SOX5: variants seen among roughly 807,000 people sequenced by gnomAD.
SOX5 encodes transcription factor SOX-5.
A neutral mutation model predicts 92.0 loss-of-function variants in SOX5; 9 were observed. The observed-to-expected ratio is 0.10, with a 90% confidence interval of 0.06 to 0.17. The LOEUF (loss-of-function observed/expected upper bound fraction) is 0.17, where lower values mean the gene tolerates loss of function less well. Ranked by LOEUF, SOX5 falls within the 10% of genes least tolerant of loss-of-function variation. The probability of loss-of-function intolerance (pLI) is 1.00; values close to 1 mark genes in which losing one functional copy is unlikely to be tolerated. For synonymous variants in SOX5, 344 were observed against 336.3 expected, an observed-to-expected ratio of 1.02 and a Z score of -0.25; for missense variants, 642 against 944.5, an observed-to-expected ratio of 0.68 and a Z score of 4.20.
At chr12:24,525,593 C>T (rs551878028) in intron 1 of SOX5, among the ~76,000 whole-genome samples, 39 of 152,252 alleles carry the variant, frequency 2.6e-4, no homozygotes, top group Non-Finnish European at 2.5e-4. Flanking sequence ...GTAGCCAGGC[C>T]GGGCGTGGTG....
intron 2 of SOX5, among the ~76,000 whole-genome samples, chr12:24,327,838 C>T (rs898209895): frequency 2.6e-5 from 4 of 151,108 alleles, no homozygotes; most frequent in East Asian, 1.9e-4. Context: ...GTGATCCGCC[C>T]GCCTCAGCCT....
At chr12:24,324,379 T>C (rs537362480) in intron 2 of SOX5, among the ~76,000 whole-genome samples, 147 of 152,296 alleles carry the variant, frequency 9.7e-4, no homozygotes, top group Non-Finnish European at 1.8e-3. Flanking sequence ...ATCTTCTGTC[T>C]CTGATCAGAC....
At chr12:24,314,430 G>A (rs1409595681) in intron 2 of SOX5, among the ~76,000 whole-genome samples, 1 of 151,776 alleles carries the variant, frequency 6.6e-6, no homozygotes, top group East Asian at 1.9e-4. Context: ...ACGAGTTAAT[G>A]GGTGCAGCAC....
chr12:23,561,445 G>C (rs1423111188), intron 11 of SOX5, among the ~76,000 whole-genome samples: 1 of 152,138 alleles, frequency 6.6e-6, no homozygotes, highest in Admixed American at 6.5e-5. Flanking sequence ...AACAACAGCT[G>C]ATCTGTATTA....
chr12:24,464,683 T>A (rs1944032249), intron 1 of SOX5, among the ~76,000 whole-genome samples: 1 of 152,206 alleles, frequency 6.6e-6, no homozygotes, highest in Non-Finnish European at 1.5e-5. Flanking sequence ...GTGCACGCAC[T>A]CTTCTAATCA....
chr12:23,923,178 C>T (rs1047240853), intron 1 of SOX5, among the ~76,000 whole-genome samples: 2 of 152,192 alleles, frequency 1.3e-5, no homozygotes, highest in African/African-American at 4.8e-5. Context: ...ATCTCCTGAC[C>T]TCAATCTCGT....
chr12:23,964,246 C>T (rs1947293064), intron 4 of SOX5, among the ~76,000 whole-genome samples: 1 of 151,898 alleles, frequency 6.6e-6, no homozygotes, highest in South Asian at 2.1e-4. Context: ...CATAAAATGC[C>T]TCGTTGTAAT....
chr12:23,936,132 T>G (rs916458101), intron 1 of SOX5, among the ~76,000 whole-genome samples: 3 of 151,080 alleles, frequency 2.0e-5, no homozygotes, highest in South Asian at 2.1e-4. Context: ...TATCTTTATA[T>G]CTATCTCTAT....
intron 4 of SOX5, among the ~76,000 whole-genome samples, chr12:23,959,274 A>G (rs745718780): frequency 1.8e-4 from 27 of 152,118 alleles, no homozygotes; most frequent in Admixed American, 3.9e-4. Context: ...TAGAATCTCA[A>G]TGAAGAAAAC....
intron 4 of SOX5, among the ~76,000 whole-genome samples, chr12:23,970,841 A>ATATATATATTTTTTTTTTTTTTTTTT: frequency 1.4e-4 from 3 of 21,884 alleles, no homozygotes; most frequent in South Asian, 2.2e-3. Context: ...TATATATATA[A>ATATATATATTTTTTTTTTTTTTTTTT]TTTTTTTTTT....
intron 4 of SOX5, among the ~76,000 whole-genome samples, chr12:24,088,354 A>G (rs1214866746): frequency 6.6e-6 from 1 of 152,060 alleles, no homozygotes; most frequent in East Asian, 1.9e-4. Flanking sequence ...AGTGTAGCAA[A>G]AGTTTTTCAT....
intron 3 of SOX5, among the ~76,000 whole-genome samples, chr12:23,757,017 T>A (rs2094406953): frequency 3.3e-5 from 5 of 151,496 alleles, no homozygotes; most frequent in Non-Finnish European, 5.9e-5. Flanking sequence ...GCAATTTTCC[T>A]TGGAAAAAAA....
intron 4 of SOX5, among the ~76,000 whole-genome samples, chr12:24,056,522 C>T (rs1285153147): frequency 5.3e-5 from 8 of 152,080 alleles, no homozygotes; most frequent in Admixed American, 5.2e-4. Context: ...TCCATCATGC[C>T]ACCTCCTTAA....
intron 8 of SOX5, among the ~76,000 whole-genome samples, chr12:23,615,072 G>T (rs569280298): frequency 2.2e-4 from 33 of 152,272 alleles, no homozygotes; most frequent in Middle Eastern, 3.4e-3. Context: ...AAAGTGCTGG[G>T]ATTACAGGCG....
intron 4 of SOX5, among the ~76,000 whole-genome samples, chr12:24,092,618 G>T (rs1944791919): frequency 6.6e-6 from 1 of 152,130 alleles, no homozygotes; most frequent in Non-Finnish European, 1.5e-5. Flanking sequence ...TACTAATACT[G>T]ATGCATCTTC....
chr12:24,102,942 C>T (rs750411482), intron 4 of SOX5, among the ~76,000 whole-genome samples: 4 of 152,016 alleles, frequency 2.6e-5, no homozygotes, highest in African/African-American at 4.8e-5. Flanking sequence ...AAAGAAAGGG[C>T]GTGAAAATTA....
intron 2 of SOX5, chr12:24,277,407 A>C (rs1312708150): frequency 6.9e-6 from 1 of 144,468 alleles, no homozygotes; most frequent in East Asian, 2.1e-4. Flanking sequence ...TAAGGTTTTC[A>C]AAAGAAATTT....
intron 1 of SOX5, among the ~76,000 whole-genome samples, chr12:24,463,621 T>C (rs1214770359): frequency 6.6e-6 from 1 of 152,162 alleles, no homozygotes; most frequent in Non-Finnish European, 1.5e-5. Flanking sequence ...TTGCCAGGTG[T>C]AAGGAAGCAG....
At chr12:23,995,789 C>G (rs903644416) in intron 4 of SOX5, among the ~76,000 whole-genome samples, 1 of 152,162 alleles carries the variant, frequency 6.6e-6, no homozygotes, top group Non-Finnish European at 1.5e-5. Context: ...AGCTAATACT[C>G]TGCTCATCGT....
Sources: gnomAD v4.1 joint callset for allele counts (sites outside exome capture counted in the v4.1 genomes callset) on GRCh38, gnomAD v4.1.1 for gene constraint, MANE v1.5 for transcripts, NCBI Gene and HGNC (gene_info 2026-07-23, HGNC 2026-07-21) for gene names.